Variants in NAV3 observed in about 807,000 individuals in gnomAD.
NAV3 encodes the protein neuron navigator 3, also known as pore membrane and/or filament interacting like protein 1.
A neutral mutation model predicts 244.7 loss-of-function variants in NAV3; 87 were observed. The observed-to-expected ratio is 0.36, with a 90% CI of 0.30 to 0.42. The LOEUF is 0.42. NAV3 is among the 20% of genes least tolerant of loss of function. The pLI is 1.00. For synonymous variants in NAV3, 1,126 were observed against 1,042.2 expected, an observed-to-expected ratio of 1.08 and a Z score of -1.55; for missense variants, 2,663 against 2,893.3, an observed-to-expected ratio of 0.92 and a Z score of 1.83.
At chr12:77,870,391 T>C (rs1880768007) in intron 1 of NAV3, among the ~76,000 whole-genome samples, 1 of 151,142 alleles carries the variant, frequency 6.6e-6, no homozygotes, top group African/African-American at 2.4e-5. Context: ...GAAAAGTTTC[T>C]AATAATTGCT....
At chr12:77,902,323 T>C (rs1478539581) in intron 1 of NAV3, among the ~76,000 whole-genome samples, 1 of 152,226 alleles carries the variant, frequency 6.6e-6, no homozygotes, top group Non-Finnish European at 1.5e-5. Flanking sequence ...CTATTTTGTT[T>C]TTTAATGTTG....
intron 2 of NAV3, among the ~76,000 whole-genome samples, chr12:77,800,498 T>G (rs1305552203): frequency 1.3e-5 from 2 of 152,308 alleles, no homozygotes; most frequent in East Asian, 3.9e-4. Context: ...AGTTACTAAA[T>G]ATTTGTAACT....
At chr12:77,947,608 T>C (rs1353535187) in intron 3 of NAV3, 1 of 152,002 alleles carries the variant, frequency 6.6e-6, no homozygotes, top group Non-Finnish European at 1.5e-5. Context: ...AAAATATTCA[T>C]CTTCTGGAAT....
rs757012303 is a variant in NAV3, at chr12:78,127,188, A to G, written c.4260A>G (p.Thr1420=). 3.7e-6 allele frequency: 6 copies of G among 1,613,790 alleles called. No individual in the cohort carries two copies. The highest frequency in any genetic ancestry group is 4.2e-6 in the Non-Finnish European group (5 of 1,179,786). ...ACAGCATGCAGCTTGACAGAAATAC[A>G]CTACCCAAAAAGGGACTAAGGTATA... is the stretch of plus-strand genomic sequence containing the variant. The part of the protein sequence containing the change: ...LSESMQLDRN[T]LPKKGLRYTP... Residue 1420 remains threonine, a synonymous_variant, in exon 17 of 40, where the codon ACA becomes ACG. Coordinates refer to ENST00000397909, the MANE Select transcript of NAV3 (RefSeq NM_001024383.2).
At chr12:78,047,341 G>A (rs545325801) in intron 9 of NAV3, among the ~76,000 whole-genome samples, 3 of 152,008 alleles carry the variant, frequency 2.0e-5, no homozygotes, top group Non-Finnish European at 2.9e-5. Flanking sequence ...CAAAAAATTA[G>A]CCAGGCCTGG....
intron 39 of NAV3, among the ~76,000 whole-genome samples, chr12:78,207,163 C>T (rs1159127078): frequency 1.3e-5 from 2 of 152,008 alleles, no homozygotes; most frequent in Non-Finnish European, 2.9e-5. Flanking sequence ...AATCAGAAAT[C>T]CTACAAAATA....
At chr12:78,015,617 T>TAA (rs541652476) in intron 8 of NAV3, among the ~76,000 whole-genome samples, 96 of 152,184 alleles carry the variant, frequency 6.3e-4, no homozygotes, top group African/African-American at 2.2e-3. Context: ...ATTGCCTGAT[T>TAA]AAGATAATAT....
chr12:77,658,568 A>G (rs965431756), intron 2 of NAV3, among the ~76,000 whole-genome samples: 5 of 151,964 alleles, frequency 3.3e-5, no homozygotes, highest in Non-Finnish European at 4.4e-5. Flanking sequence ...CATCCCCATC[A>G]AGCTACCAAT....
At chr12:77,869,284 A>T (rs1880582736) in intron 1 of NAV3, among the ~76,000 whole-genome samples, 1 of 152,138 alleles carries the variant, frequency 6.6e-6, no homozygotes, top group Admixed American at 6.5e-5. Flanking sequence ...TTCTCGAGAG[A>T]TAGTAAGTAA....
At chr12:77,787,149 A>G (rs1193690818) in intron 2 of NAV3, among the ~76,000 whole-genome samples, 4 of 151,972 alleles carry the variant, frequency 2.6e-5, no homozygotes, top group Admixed American at 2.0e-4. Flanking sequence ...ACCAGCAGCT[A>G]TTGCTTAGAT....
At chr12:78,191,761 C>G (rs375548091) in intron 34 of NAV3, among the ~76,000 whole-genome samples, 5 of 152,064 alleles carry the variant, frequency 3.3e-5, no homozygotes, top group African/African-American at 4.8e-5. Flanking sequence ...TATATAAAAG[C>G]CTTTTAGCAC....
At position 78,109,230 on chromosome 12, in the gene NAV3, A is replaced by G. The variant is rs952676582; in HGVS notation, c.2637-7542A>G. On this transcript the variant is annotated intron_variant, in intron 12 of 39. Coordinates refer to ENST00000397909, the MANE Select transcript of NAV3 (RefSeq NM_001024383.2). ...ATAGATAAATTCCTAGAAACTTACA[A>G]CCTACCAAGCTGTTGCATCAGGAAG... Among the ~76,000 whole-genome samples, 4 of 152,036 alleles carry G rather than the reference A, an allele frequency of 2.6e-5. No individual in the cohort carries two copies. The East Asian group carries it at 7.7e-4, about 29-fold the overall frequency.
Position 78,119,563 on chromosome 12 carries a change from G to A in NAV3, c.3367G>A (p.Val1123Ile), listed in dbSNP as rs1955576436. The A allele has an allele frequency of 1.2e-6, 2 of 1,614,186 alleles. No individual in the cohort carries two copies. The highest frequency in any genetic ancestry group is 1.7e-6 in the Non-Finnish European group (2 of 1,180,024). Residue 1123 changes from valine to isoleucine, a missense_variant, in exon 15 of 40, where the codon GTT becomes ATT. By Grantham distance (29) the Val-to-Ile change is conservative (BLOSUM62 3). This residue lies in a region of NAV3 where 1,521 missense variants were observed against 1,497.0 expected (regional missense o/e 1.02). Coordinates refer to ENST00000397909, the MANE Select transcript of NAV3 (RefSeq NM_001024383.2). ...GGACGGTTCACAGAATCAGGATGAT[G>A]TTGTGCTGCATGTTAGCTCAAAGAC... ...SLDGSQNQDDVVLHVSSKTTL... is the reference protein window; with the variant it reads ...SLDGSQNQDDIVLHVSSKTTL...
intron 34 of NAV3, among the ~76,000 whole-genome samples, chr12:78,190,579 T>C (rs949395888): frequency 1.3e-5 from 2 of 152,016 alleles, no homozygotes; most frequent in Admixed American, 6.6e-5. Context: ...CATCAGAGCT[T>C]TATAAAGGGG....
chr12:77,846,958 A>T (rs1277889746), intron 1 of NAV3, among the ~76,000 whole-genome samples: 1 of 152,216 alleles, frequency 6.6e-6, no homozygotes, highest in Non-Finnish European at 1.5e-5. Context: ...TCTTAGTTCC[A>T]TGAGTTCATC....
chr12:77,905,952 G>T (rs1462881622), intron 1 of NAV3, among the ~76,000 whole-genome samples: 1 of 152,072 alleles, frequency 6.6e-6, no homozygotes, highest in Non-Finnish European at 1.5e-5. Flanking sequence ...CGATCTACTG[G>T]GTAGTTAACT....
chr12:77,574,111 A>T (rs1195987882), intron 2 of NAV3, among the ~76,000 whole-genome samples: 1 of 151,984 alleles, frequency 6.6e-6, no homozygotes, highest in East Asian at 1.9e-4. Context: ...GCACAGGAAG[A>T]CCCCCATCTC....
intron 23 of NAV3, among the ~76,000 whole-genome samples, chr12:78,163,857 C>T (rs1957669703): frequency 6.6e-6 from 1 of 152,032 alleles, no homozygotes; most frequent in Non-Finnish European, 1.5e-5. Flanking sequence ...ACCAGCACTT[C>T]TTCACCAGGA....
At chr12:77,690,550 C>T (rs1284214435) in intron 2 of NAV3, among the ~76,000 whole-genome samples, 1 of 151,268 alleles carries the variant, frequency 6.6e-6, no homozygotes, top group Non-Finnish European at 1.5e-5. Context: ...TTTATCCCAT[C>T]TCTACTGTAA....
Sources: gnomAD v4.1 joint callset for allele counts (sites outside exome capture counted in the v4.1 genomes callset) on GRCh38, gnomAD v4.1.1 for gene constraint, gnomAD v4.1.1 regional missense constraint, MANE v1.5 for transcripts, NCBI Gene and HGNC (gene_info 2026-07-23, HGNC 2026-07-21) for gene names.